Variants in FANCC observed in about 807,000 individuals in gnomAD.
The protein encoded by FANCC is Fanconi anemia group C protein.
FANCC carries 55 observed loss-of-function variants against 71.3 expected under a neutral mutation model. The ratio of observed to expected loss-of-function variants is 0.77; its 90% CI spans 0.62 to 0.97. The LOEUF is 0.97. Among genes scored for constraint, FANCC ranks in the 50% least tolerant of loss-of-function variants. The pLI is 0.00. For synonymous variants in FANCC, 275 were observed against 244.9 expected (o/e 1.12, Z -1.15); for missense variants, 678 against 670.9 (o/e 1.01, Z -0.12).
chr9:95,312,276 T>C (rs918028850), intron 1 of FANCC, among the ~76,000 whole-genome samples: 2 of 152,168 alleles, frequency 1.3e-5, no homozygotes, highest in Non-Finnish European at 2.9e-5. Flanking sequence ...AGAGCAAAGG[T>C]GATAAATCAG....
Position 95,249,370 on chromosome 9 carries a change from C to G in FANCC, c.-78-1G>C, listed in dbSNP as rs2136103070. 7 of 1,420,156 alleles carry G rather than the reference C, an allele frequency of 4.9e-6. No homozygotes were observed. Among genetic ancestry groups the G allele is most frequent in the Non-Finnish European group, 6.9e-6 (7 of 1,011,308 alleles). The allele number at this position is 1,420,156 out of a possible 1,614,324, so 88.0% of individuals were successfully genotyped here. On this transcript the variant is annotated splice_acceptor_variant, in intron 1 of 14. Transcript: ENST00000289081. LOFTEE classifies it low-confidence loss of function (5UTR_SPLICE). ...AGGAAATGGTCGGCACACATTAAATCTGTAAGAAAGGGAACAAATAGAAGC... is the reference window on the plus strand; with the variant it reads ...AGGAAATGGTCGGCACACATTAAATGTGTAAGAAAGGGAACAAATAGAAGC...
At chr9:95,293,299 C>T (rs1250248639) in intron 1 of FANCC, 5 of 1,613,238 alleles carry the variant, frequency 3.1e-6, no homozygotes, top group Non-Finnish European at 3.4e-6. Flanking sequence ...TGCCTACAGC[C>T]GACTCCTCAG....
intron 1 of FANCC, chr9:95,294,794 C>G (rs1204869106): frequency 1.3e-6 from 2 of 1,549,838 alleles, no homozygotes; most frequent in East Asian, 2.2e-5. Flanking sequence ...GAACCACACA[C>G]AGTCTCCAAC....
At chr9:95,136,647 T>C (rs1055984646) in intron 7 of FANCC, among the ~76,000 whole-genome samples, 34 of 152,284 alleles carry the variant, frequency 2.2e-4, no homozygotes, top group African/African-American at 8.2e-4. Flanking sequence ...TCACCACATC[T>C]GGCTATTTTT....
intron 4 of FANCC, among the ~76,000 whole-genome samples, chr9:95,226,579 G>A (rs1829634663): frequency 6.6e-6 from 1 of 152,186 alleles, no homozygotes; most frequent in Non-Finnish European, 1.5e-5. Context: ...GCACATTCTA[G>A]TGACTTCTGT....
intron 1 of FANCC, among the ~76,000 whole-genome samples, chr9:95,268,167 A>G (rs1356588013): frequency 6.6e-6 from 1 of 152,230 alleles, no homozygotes; most frequent in Non-Finnish European, 1.5e-5. Context: ...CAGAAACTTG[A>G]TGAAAAAGCA....
intron 4 of FANCC, among the ~76,000 whole-genome samples, chr9:95,199,419 A>C (rs1000993359): frequency 6.6e-6 from 1 of 151,292 alleles, no homozygotes; most frequent in African/African-American, 2.4e-5. Flanking sequence ...CACCTCCTAC[A>C]TCCCCTTCCC....
chr9:95,172,041 T>C lies in FANCC; in HGVS notation c.452A>G (p.Lys151Arg). 1.3e-6 allele frequency: 2 copies of C among 1,594,772 alleles called. No individual in the cohort carries two copies. The highest frequency in any genetic ancestry group is 1.7e-6 in the Non-Finnish European group (2 of 1,162,680). Residue 151 changes from lysine (K) to arginine (R), a missense_variant, in exon 5 of 15, where the codon AAA (lysine) becomes AGA (arginine). Lys to Arg is a conservative substitution (Grantham distance 26, BLOSUM62 2). Transcript: ENST00000289081. ...APIDYYPGLL[K>R]NMVLSLASEL... Reference sequence around the variant, plus strand: ...TGATAAATTTTAAATACTCACATTTTTAAGCAAACCAGGATAGTAATCTAT... The same window carrying C: ...TGATAAATTTTAAATACTCACATTTCTAAGCAAACCAGGATAGTAATCTAT...
intron 4 of FANCC, among the ~76,000 whole-genome samples, chr9:95,237,570 C>T (rs762404809): frequency 6.6e-6 from 1 of 152,258 alleles, no homozygotes; most frequent in Non-Finnish European, 1.5e-5. Context: ...CTGCAGAGCA[C>T]TGCCGTGCAG....
chr9:95,280,714 A>G (rs1833334936), intron 1 of FANCC, among the ~76,000 whole-genome samples: 1 of 152,230 alleles, frequency 6.6e-6, no homozygotes, highest in South Asian at 2.1e-4. Context: ...ATAAGCTGCC[A>G]GTAACTGATC....
At chr9:95,112,876 G>A (rs1337746483) in intron 12 of FANCC, among the ~76,000 whole-genome samples, 4 of 152,230 alleles carry the variant, frequency 2.6e-5, no homozygotes, top group African/African-American at 9.6e-5. Context: ...CACCACATGC[G>A]CCCTTTCTGG....
chr9:95,249,066 T>C (rs1385613064), intron 2 of FANCC, 61 bp downstream of exon 2: 2 of 1,579,174 alleles, frequency 1.3e-6, no homozygotes, highest in Non-Finnish European at 8.7e-7. Flanking sequence ...TCTGTCTTGG[T>C]GAAATCTGGT....
intron 4 of FANCC, among the ~76,000 whole-genome samples, chr9:95,179,168 T>A (rs1826190756): frequency 6.6e-6 from 1 of 152,236 alleles, no homozygotes; most frequent in Admixed American, 6.5e-5. Context: ...CTAAGGTCAA[T>A]TTCCCTTAGT....
At chr9:95,294,351 G>C in intron 1 of FANCC, 1 of 1,587,730 alleles carries the variant, frequency 6.3e-7, no homozygotes, top group South Asian at 1.1e-5. Context: ...TGGACACAGA[G>C]ACTCAAACGG....
intron 1 of FANCC, among the ~76,000 whole-genome samples, chr9:95,299,001 A>G (rs1834563429): frequency 6.6e-6 from 1 of 152,222 alleles, no homozygotes; most frequent in Admixed American, 6.5e-5. Flanking sequence ...TACGGTATAT[A>G]TGGTTTTAAG....
intron 4 of FANCC, among the ~76,000 whole-genome samples, chr9:95,217,057 A>G (rs982600432): frequency 6.6e-6 from 1 of 152,288 alleles, no homozygotes. Context: ...AACCAAATTC[A>G]GAACCATAAA....
In FANCC at chr9:95,199,450, C is replaced by G. The variant is rs184576678; in HGVS notation, c.346-27303G>C. ...TTCCCTCTCCTCACCTACTAAAGCC[C>G]GAATTGCTCTTCCGGTGTCAGCTCC... On this transcript the variant is annotated intron_variant, in intron 4 of 14. Coordinates refer to ENST00000289081, the MANE Select transcript of FANCC (RefSeq NM_000136.3). Among the ~76,000 whole-genome samples, 15 of 152,224 alleles carry G rather than the reference C, an allele frequency of 9.9e-5. 1 individual carries two copies. In the East Asian group the frequency reaches 2.7e-3, roughly 27 times the overall value.
At chr9:95,147,206 T>C (rs931418112) in intron 7 of FANCC, among the ~76,000 whole-genome samples, 3 of 152,236 alleles carry the variant, frequency 2.0e-5, no homozygotes, top group Non-Finnish European at 2.9e-5. Flanking sequence ...TTTCTCATCC[T>C]ACAGATGTTT....
intron 4 of FANCC, among the ~76,000 whole-genome samples, chr9:95,232,638 T>C (rs149779884): frequency 3.4e-4 from 52 of 152,288 alleles, no homozygotes; most frequent in Non-Finnish European, 7.1e-4. Context: ...CCAAACAATG[T>C]TATCTCAAAA....
Sources: allele counts gnomAD v4.1 joint callset (sites outside exome capture counted in the v4.1 genomes callset), GRCh38; gene constraint gnomAD v4.1.1; transcripts MANE v1.5; gene names NCBI Gene and HGNC (gene_info 2026-07-23, HGNC 2026-07-21).